ARFGEF3: variants seen among roughly 807,000 people sequenced by gnomAD.
ARFGEF3 encodes the protein brefeldin A-inhibited guanine nucleotide-exchange protein 3.
In ARFGEF3, 96 loss-of-function variants were observed where a neutral mutation model predicts 221.7. The ratio of observed to expected loss-of-function variants is 0.43; its 90% CI spans 0.37 to 0.51. ARFGEF3 has a LOEUF of 0.51. Among genes scored for constraint, ARFGEF3 ranks in the 20% least tolerant of loss-of-function variants. The pLI is 0.00. For synonymous variants in ARFGEF3, 1,145 were observed against 1,126.8 expected, an observed-to-expected ratio of 1.02 and a Z score of -0.32; for missense variants, 2,410 against 2,789.9, an observed-to-expected ratio of 0.86 and a Z score of 3.07.
intron 2 of ARFGEF3, among the ~76,000 whole-genome samples, chr6:138,197,191 A>T (rs1223160891): frequency 6.6e-6 from 1 of 150,488 alleles, no homozygotes; most frequent in Admixed American, 6.6e-5. Flanking sequence ...ACAAACACAC[A>T]TTAGCCTAGA....
chr6:138,287,932 C>T (rs935777721), intron 17 of ARFGEF3, among the ~76,000 whole-genome samples: 2 of 152,098 alleles, frequency 1.3e-5, no homozygotes, highest in Non-Finnish European at 2.9e-5. Flanking sequence ...AAAACAAAAT[C>T]GCTCTCACAG....
intron 28 of ARFGEF3, among the ~76,000 whole-genome samples, chr6:138,320,881 A>C (rs1303911984): frequency 6.6e-6 from 1 of 152,164 alleles, no homozygotes. Flanking sequence ...TTTCTGTAGA[A>C]GTGGATGAAA....
At chr6:138,173,283 TATG>T (rs140707243) in intron 2 of ARFGEF3, among the ~76,000 whole-genome samples, 4,111 of 152,284 alleles carry the variant, frequency 0.027, 79 homozygotes, top group African/African-American at 0.054. Context: ...CAATTAAAAT[TATG>T]ATGAAAAAAT....
chr6:138,220,333 C>G (rs989225281), intron 4 of ARFGEF3, among the ~76,000 whole-genome samples: 1 of 152,176 alleles, frequency 6.6e-6, no homozygotes, highest in Admixed American at 6.5e-5. Flanking sequence ...AAATCATAAG[C>G]ATTTTCCACA....
At chr6:138,274,542 G>A (rs546201537) in intron 12 of ARFGEF3, among the ~76,000 whole-genome samples, 1 of 152,202 alleles carries the variant, frequency 6.6e-6, no homozygotes, top group African/African-American at 2.4e-5. Context: ...GCTCACACCT[G>A]TAATCCCAAC....
At chr6:138,244,561 C>G (rs111244212) in intron 7 of ARFGEF3, among the ~76,000 whole-genome samples, 1 of 152,162 alleles carries the variant, frequency 6.6e-6, no homozygotes, top group Non-Finnish European at 1.5e-5. Flanking sequence ...TTTTCCCACT[C>G]TGCTTCTGTG....
At chr6:138,169,158 G>A (rs918110494) in intron 1 of ARFGEF3, among the ~76,000 whole-genome samples, 4 of 152,228 alleles carry the variant, frequency 2.6e-5, no homozygotes, top group African/African-American at 9.6e-5. Context: ...CTGGAGTGGA[G>A]CTGGGAGTGG....
At chr6:138,308,904 C>G (rs6570222) in intron 24 of ARFGEF3, 43 bp downstream of exon 24, 77,133 of 1,612,228 alleles carry the variant, frequency 0.048, 2,456 homozygotes, top group African/African-American at 0.16. Flanking sequence ...TGCTGAGGAC[C>G]CTTTCCAGGG....
Position 138,335,113 on chromosome 6 carries a change from G to A in ARFGEF3, c.6267G>A (p.Gln2089=), listed in dbSNP as rs1780299096. The part of the protein sequence containing the change: ...SFSAGPELLR[Q]DKRPRSGSTG... Reference sequence around the variant, plus strand: ...GCGCAGGCCCCGAGCTGCTGCGACAGGACAAGAGGCCCCGCTCAGGCTCCA... The same window carrying A: ...GCGCAGGCCCCGAGCTGCTGCGACAAGACAAGAGGCCCCGCTCAGGCTCCA... Residue 2089 remains glutamine (Q), a synonymous_variant, in exon 33 of 34, where the codon CAG becomes CAA. Coordinates refer to ENST00000251691, the MANE Select transcript of ARFGEF3 (RefSeq NM_020340.5). The A allele has an allele frequency of 6.2e-7, 1 of 1,601,158 alleles. No individual in the cohort carries two copies. Among genetic ancestry groups the A allele is most frequent in the Non-Finnish European group, 8.5e-7 (1 of 1,175,076 alleles).
chr6:138,267,436 T>A (rs1440573924), intron 12 of ARFGEF3, among the ~76,000 whole-genome samples: 1 of 151,880 alleles, frequency 6.6e-6, no homozygotes, highest in African/African-American at 2.4e-5. Flanking sequence ...GAAAAAAAAA[T>A]TAAAATTATC....
chr6:138,245,561 T>A lies in ARFGEF3; in HGVS notation c.635T>A (p.Val212Asp), dbSNP rs747784374. The change falls in exon 8 of 34, where the codon GTC (valine) becomes GAC (aspartate). Residue 212 changes from valine (V) to aspartate (D), a missense_variant. By Grantham distance (152) the Val-to-Asp change is radical. Coordinates refer to ENST00000251691, the MANE Select transcript of ARFGEF3 (RefSeq NM_020340.5). Reference sequence around the variant, plus strand: ...GATGATGTTGTCTCTGTACTCACCGTCCTGTGTGAGAAGCTGCAAGCCGCC... The same window carrying A: ...GATGATGTTGTCTCTGTACTCACCGACCTGTGTGAGAAGCTGCAAGCCGCC... ...LCDDVVSVLTVLCEKLQAAIN... is the reference protein window; with the variant it reads ...LCDDVVSVLTDLCEKLQAAIN... 6 of 1,610,172 alleles carry A rather than the reference T, an allele frequency of 3.7e-6. No homozygotes were observed. The South Asian group carries it at 4.4e-5, about 12-fold the overall frequency.
chr6:138,177,543 G>C (rs1776978934), intron 2 of ARFGEF3, among the ~76,000 whole-genome samples: 1 of 152,028 alleles, frequency 6.6e-6, no homozygotes, highest in African/African-American at 2.4e-5. Context: ...GCCAGACTTG[G>C]GAAATTTTCA....
intron 26 of ARFGEF3, among the ~76,000 whole-genome samples, chr6:138,316,767 T>G (rs1374958623): frequency 3.9e-5 from 6 of 152,224 alleles, no homozygotes; most frequent in Admixed American, 3.9e-4. Context: ...GGTTTCTGTT[T>G]GAGATGAAAA....
intron 14 of ARFGEF3, 42 bp from the exon 15 acceptor site, chr6:138,285,904 A>C: frequency 8.5e-7 from 1 of 1,178,220 alleles, no homozygotes; most frequent in South Asian, 1.2e-5. Context: ...TTTTGACTGG[A>C]GTGTTTTATT....
intron 2 of ARFGEF3, among the ~76,000 whole-genome samples, chr6:138,198,935 G>A (rs116930719): frequency 0.013 from 2,012 of 152,274 alleles, 29 homozygotes; most frequent in Middle Eastern, 0.058. Flanking sequence ...TGAGGACATA[G>A]ATTTTCAAAA....
At chr6:138,236,489 C>A (rs753443045) in intron 5 of ARFGEF3, among the ~76,000 whole-genome samples, 3 of 152,154 alleles carry the variant, frequency 2.0e-5, no homozygotes, top group Non-Finnish European at 4.4e-5. Flanking sequence ...GTTAAAACAC[C>A]TTTCAGGGGG....
intron 7 of ARFGEF3, among the ~76,000 whole-genome samples, 172 bp downstream of exon 7, chr6:138,243,166 T>A (rs1373666903): frequency 6.6e-6 from 1 of 152,190 alleles, no homozygotes. Context: ...AGCTGTTGTC[T>A]TCCTTCTGTT....
rs1467407243 is a variant in ARFGEF3, at chr6:138,340,570, G to A, written c.*4084G>A. The A allele has an allele frequency of 6.6e-6, 1 of 152,164 alleles. No homozygotes were observed. The allele number at this position is 152,164 out of a possible 1,614,324, so 9.4% of individuals were successfully genotyped here. On this transcript the variant is annotated 3_prime_UTR_variant, in exon 34 of 34. Transcript: ENST00000251691. ...AGGTTACAAATAGCAGGGAGGAGGC[G>A]AGTAGTGAATGTCACTGTGATTGCA...
chr6:138,204,064 C>T (rs897499733), intron 2 of ARFGEF3, among the ~76,000 whole-genome samples: 12 of 151,750 alleles, frequency 7.9e-5, no homozygotes, highest in Non-Finnish European at 1.5e-4. Context: ...CGAGGCCAGG[C>T]GCGGTGGCTC....
Sources: gnomAD v4.1 joint callset for allele counts (sites outside exome capture counted in the v4.1 genomes callset) on GRCh38, gnomAD v4.1.1 for gene constraint, MANE v1.5 for transcripts, NCBI Gene and HGNC (gene_info 2026-07-23, HGNC 2026-07-21) for gene names.